The following PTPRN2 variants were observed in gnomAD, a reference collection of about 807,000 sequenced individuals.
PTPRN2 encodes receptor-type tyrosine-protein phosphatase N2.
PTPRN2 carries 74 observed loss-of-function variants against 118.8 expected under a neutral mutation model. The observed-to-expected ratio is 0.62, with a 90% CI of 0.52 to 0.76. The LOEUF (loss-of-function observed/expected upper bound fraction) is 0.76. Ranked by LOEUF, PTPRN2 falls within the 30% of genes least tolerant of loss-of-function variation. PTPRN2 has a pLI of 0.00. For missense variants in PTPRN2, 1,481 were observed against 1,394.4 expected, an observed-to-expected ratio of 1.06 and a Z score of -0.99; for synonymous variants, 641 against 608.0, an observed-to-expected ratio of 1.05 and a Z score of -0.80.
intron 13 of PTPRN2, among the ~76,000 whole-genome samples, chr7:157,669,809 C>A (rs1214001809): frequency 6.6e-6 from 1 of 152,198 alleles, no homozygotes; most frequent in Admixed American, 6.5e-5. Context: ...ATCCCTGCGG[C>A]GCCCAGAGCA....
chr7:157,704,313 G>A (rs945894971), intron 12 of PTPRN2, among the ~76,000 whole-genome samples: 2 of 152,178 alleles, frequency 1.3e-5, no homozygotes, highest in African/African-American at 4.8e-5. Context: ...ACACCCTCAG[G>A]GGCCCTGCTA....
chr7:157,830,450 C>A (rs767295659), intron 12 of PTPRN2, among the ~76,000 whole-genome samples: 5 of 152,050 alleles, frequency 3.3e-5, no homozygotes, highest in Admixed American at 3.3e-4. Flanking sequence ...ATTGTCCCAG[C>A]AGGGAGGGGC....
intron 16 of PTPRN2, among the ~76,000 whole-genome samples, chr7:157,601,942 G>A (rs563430899): frequency 4.6e-5 from 7 of 152,316 alleles, no homozygotes; most frequent in South Asian, 2.1e-4. Context: ...GAATCCAGGC[G>A]CGCACACCTG....
At chr7:157,958,431 T>C (rs4716841) in intron 11 of PTPRN2, among the ~76,000 whole-genome samples, 125,311 of 151,618 alleles carry the variant, frequency 0.83, 52,365 homozygotes, top group East Asian at 0.89. Context: ...GTAAAAGGCA[T>C]CTAAATGAGA....
intron 2 of PTPRN2, among the ~76,000 whole-genome samples, chr7:158,370,774 T>G (rs1181437945): frequency 6.7e-6 from 1 of 150,134 alleles, no homozygotes; most frequent in East Asian, 2.0e-4. Context: ...TAAAAATCAA[T>G]CAATCAATAA....
chr7:158,541,328 T>C, intron 1 of PTPRN2: 3 of 818,536 alleles, frequency 3.7e-6, no homozygotes, highest in Non-Finnish European at 5.1e-6. Context: ...TTTAGTGCAC[T>C]GAGTTTTGAC....
intron 6 of PTPRN2, 140 bp downstream of exon 6, chr7:158,166,791 T>C: frequency 2.7e-6 from 3 of 1,130,992 alleles, no homozygotes; most frequent in Non-Finnish European, 3.5e-6. Flanking sequence ...CCCTACATGG[T>C]GCCCCATTCC....
chr7:158,303,301 C>T (rs890037132), intron 3 of PTPRN2, among the ~76,000 whole-genome samples: 2 of 152,154 alleles, frequency 1.3e-5, no homozygotes, highest in Non-Finnish European at 2.9e-5. Flanking sequence ...CTCCATTCCA[C>T]ACCAGCCGAA....
At chr7:158,105,678 T>C (rs762965779) in intron 10 of PTPRN2, among the ~76,000 whole-genome samples, 4 of 151,590 alleles carry the variant, frequency 2.6e-5, no homozygotes, top group Non-Finnish European at 5.9e-5. Context: ...TGGAGCTCCA[T>C]CCACCTCCAT....
chr7:158,288,960 G>A (rs971180912), intron 3 of PTPRN2, among the ~76,000 whole-genome samples: 4 of 152,052 alleles, frequency 2.6e-5, no homozygotes, highest in Non-Finnish European at 5.9e-5. Context: ...TTCTTGGTTG[G>A]CCATTTTTTT....
chr7:158,320,017 TCATACACACACACAGCCTCCCTCA>T (rs1802839304), intron 2 of PTPRN2, among the ~76,000 whole-genome samples: 1 of 35,938 alleles, frequency 2.8e-5, no homozygotes, highest in African/African-American at 1.2e-4. Context: ...ACAGCCTCCC[TCATACACACACACAGCCTCCCTCA>T]CACACACTCA....
intron 2 of PTPRN2, among the ~76,000 whole-genome samples, chr7:158,328,953 G>A (rs936408453): frequency 6.6e-6 from 1 of 151,636 alleles, no homozygotes; most frequent in Non-Finnish European, 1.5e-5. Flanking sequence ...AGCTTCCCTT[G>A]TGAGTGTGAG....
chr7:158,240,112 A>G (rs978092800), intron 3 of PTPRN2, among the ~76,000 whole-genome samples: 1 of 152,186 alleles, frequency 6.6e-6, no homozygotes, highest in Non-Finnish European at 1.5e-5. Context: ...TATGTGCATT[A>G]TTTGATGGAA....
chr7:158,445,430 T>A (rs994842805), intron 2 of PTPRN2, among the ~76,000 whole-genome samples: 1 of 152,238 alleles, frequency 6.6e-6, no homozygotes, highest in East Asian at 1.9e-4. Flanking sequence ...CCATCGCAGG[T>A]GGTGCCGTCC....
At chr7:158,131,799 TACACACAC>T (rs923114355) in intron 9 of PTPRN2, among the ~76,000 whole-genome samples, 1 of 133,724 alleles carries the variant, frequency 7.5e-6, no homozygotes, top group Admixed American at 7.4e-5. Context: ...TACACACTCA[TACACACAC>T]ACACAAATAC....
chr7:158,098,739 C>T (rs1201544110), intron 10 of PTPRN2, among the ~76,000 whole-genome samples: 1 of 152,064 alleles, frequency 6.6e-6, no homozygotes, highest in African/African-American at 2.4e-5. Flanking sequence ...ATCTCGTGAA[C>T]GCGGGACGCT....
chr7:157,613,792 C>T (rs1802553193), intron 15 of PTPRN2, among the ~76,000 whole-genome samples: 1 of 152,204 alleles, frequency 6.6e-6, no homozygotes, highest in South Asian at 2.1e-4. Flanking sequence ...GCGTAGTCCT[C>T]GAGTCTCGGA....
At chr7:158,304,575 C>A (rs561774717) in intron 3 of PTPRN2, among the ~76,000 whole-genome samples, 2 of 152,038 alleles carry the variant, frequency 1.3e-5, no homozygotes, top group Non-Finnish European at 2.9e-5. Flanking sequence ...CATAAGACAC[C>A]CATCAATACC....
At chr7:158,365,225 G>A (rs980945172) in intron 2 of PTPRN2, among the ~76,000 whole-genome samples, 35 of 152,214 alleles carry the variant, frequency 2.3e-4, no homozygotes, top group African/African-American at 7.2e-4. Context: ...CACAGTCACC[G>A]CACAAAGTCT....
Sources: allele counts gnomAD v4.1 joint callset (sites outside exome capture counted in the v4.1 genomes callset), GRCh38; gene constraint gnomAD v4.1.1; transcripts MANE v1.5; gene names NCBI Gene and HGNC (gene_info 2026-07-23, HGNC 2026-07-21).